Variants in CXCR1 observed in about 807,000 individuals in gnomAD.
CXCR1 encodes the protein C-X-C chemokine receptor type 1.
For synonymous variants in CXCR1, 180 were observed against 184.7 expected (o/e 0.97, Z 0.21); for missense variants, 419 against 440.5 (o/e 0.95, Z 0.44).
Position 218,164,792 on chromosome 2 carries a change from G to A in CXCR1, c.420C>T (p.Val140=). 2 of 1,614,246 alleles carry A rather than the reference G, an allele frequency of 1.2e-6. No individual in the cohort carries two copies. Among genetic ancestry groups the A allele is most frequent in the South Asian group, 1.1e-5 (1 of 91,084 alleles). ...TCTGGGTCAGTGTGCGTGTGGCATG[G>A]ACAATGGCCAGGTAACGGTCCACAC... is the stretch of plus-strand genomic sequence containing the variant. ...CISVDRYLAI[V]HATRTLTQKR... is the part of the protein sequence containing the mutation. Residue 140 remains valine (V), a synonymous_variant, in exon 2 of 2, where the codon GTC becomes GTT. Coordinates refer to ENST00000295683, the MANE Select transcript of CXCR1 (RefSeq NM_000634.3).
chr2:218,165,222 G>C lies in CXCR1; in HGVS notation c.-11C>G, dbSNP rs767641009. Reference sequence around the variant, plus strand: ...TGTAATATTTGACATGTCCTCTTCAGTTTCAGCAATGGTTTGATCTAACTG... The same window carrying C: ...TGTAATATTTGACATGTCCTCTTCACTTTCAGCAATGGTTTGATCTAACTG... On this transcript the variant is annotated 5_prime_UTR_variant, in exon 2 of 2. Transcript: ENST00000295683. 6.2e-7 allele frequency: 1 copy of C among 1,612,746 alleles called. No homozygotes were observed. The highest frequency in any genetic ancestry group is 1.7e-5 in the Admixed American group (1 of 60,028).
intron 1 of CXCR1, among the ~76,000 whole-genome samples, chr2:218,166,682 T>C (rs1462976559): frequency 6.6e-6 from 1 of 152,114 alleles, no homozygotes; most frequent in Non-Finnish European, 1.5e-5. Context: ...AACATCAAAT[T>C]GGGGAATGGT....
rs765253110 is a variant in CXCR1 at position 218,164,893 on chromosome 2, T to G, written c.319A>C (p.Thr107Pro). 6 of 1,614,126 alleles carry G rather than the reference T, an allele frequency of 3.7e-6. No individual in the cohort carries two copies. In the African/African-American group the frequency reaches 6.7e-5, roughly 18 times the overall value. ...ASKVNGWIFG[T>P]FLCKVVSLLK... ...AGTGAGACCACCTTGCACAGGAATG[T>G]GCCAAAAATCCAGCCATTCACCTTG... Residue 107 changes from threonine (T) to proline (P), a missense_variant, in exon 2 of 2, where the codon ACA becomes CCA. By Grantham distance (38) the Thr-to-Pro change is conservative. Coordinates refer to ENST00000295683, the MANE Select transcript of CXCR1 (RefSeq NM_000634.3).
chr2:218,165,767 A>C (rs748723872), intron 1 of CXCR1, among the ~76,000 whole-genome samples: 1 of 152,228 alleles, frequency 6.6e-6, no homozygotes, highest in Non-Finnish European at 1.5e-5. Flanking sequence ...ACATTGCATT[A>C]AACTGTATAT....
In CXCR1 at chr2:218,164,667, T is replaced by C. The variant is rs1441535659; in HGVS notation, c.545A>G (p.Asn182Ser). ...GACCTCATAGCAAACTGGACTGGAA[T>C]TGTTTGGATGGTAAGCCTGGCGGAA... ...FLFRQAYHPN[N>S]SSPVCYEVLG... Residue 182 changes from asparagine (N) to serine (S), a missense_variant, in exon 2 of 2, where the codon AAT (asparagine) becomes AGT (serine). By Grantham distance (46) the Asn-to-Ser change is conservative. Transcript: ENST00000295683. The C allele has an allele frequency of 6.2e-7, 1 of 1,614,200 alleles. No individual in the cohort carries two copies. Among genetic ancestry groups the C allele is most frequent in the Non-Finnish European group, 8.5e-7 (1 of 1,180,044 alleles).
chr2:218,163,714 G>A lies in CXCR1; in HGVS notation c.*445C>T, dbSNP rs41451552. ...ATGGGAAAACCACCCCCCTGAGCTC[G>A]GATCAGAGCACACAGAGCCACCAGC... On this transcript the variant is annotated 3_prime_UTR_variant, in exon 2 of 2. Coordinates refer to ENST00000295683, the MANE Select transcript of CXCR1 (RefSeq NM_000634.3). 5.2e-6 allele frequency: 1 copy of A among 191,828 alleles called. No homozygotes were observed. Among genetic ancestry groups the A allele is most frequent in the South Asian group, 9.9e-5 (1 of 10,142 alleles). The allele number at this position is 191,828 out of a possible 1,614,324, so 11.9% of individuals were successfully genotyped here. A position where few individuals can be genotyped will look rare whatever the true frequency, so the allele number is the denominator to read the frequency against.
In CXCR1 at chr2:218,165,191, T is replaced by C. The variant is rs770511295; in HGVS notation, c.21A>G (p.Pro7=). MSNITD[P]QMWDFDDLNF... is the part of the protein sequence containing the mutation. ...TTAGATCATCAAAATCCCACATCTGTGGATCTGTAATATTTGACATGTCCT... is the reference window on the plus strand; with the variant it reads ...TTAGATCATCAAAATCCCACATCTGCGGATCTGTAATATTTGACATGTCCT... The change falls in exon 2 of 2, where the codon CCA becomes CCG. Residue 7 remains proline (P), a synonymous_variant. Transcript: ENST00000295683. The C allele has an allele frequency of 1.9e-6, 3 of 1,614,022 alleles. No homozygotes were observed. The African/African-American group carries it at 4.0e-5, about 22-fold the overall frequency.
At position 218,164,239 on chromosome 2, in the gene CXCR1, G is replaced by A; in HGVS notation, c.973C>T (p.Leu325=). 6.2e-7 allele frequency: 1 copy of A among 1,613,990 alleles called. No homozygotes were observed. ...CGTGCCAAGAACTCCTTGCTGACCA[G>A]GCCATGCATAGCCAGGATCTTGAGG... ...GFLKILAMHG[L]VSKEFLARHR... Residue 325 remains leucine, a synonymous_variant, in exon 2 of 2, where the codon CTG becomes TTG. Coordinates refer to ENST00000295683, the MANE Select transcript of CXCR1 (RefSeq NM_000634.3).
At position 218,163,923 on chromosome 2, in the gene CXCR1, A is replaced by C; in HGVS notation, c.*236T>G. ...GTTAAAGATGTGACGTTCAACGGGA[A>C]TGATGGTGCTTCGTTTCCATGGAGG... On this transcript the variant is annotated 3_prime_UTR_variant, in exon 2 of 2. Transcript: ENST00000295683. 1 of 546,166 alleles carries C rather than the reference A, an allele frequency of 1.8e-6. No homozygotes were observed. The highest frequency in any genetic ancestry group is 3.0e-5 in the Admixed American group (1 of 33,676). 33.8% of individuals were successfully genotyped at this position (546,166 alleles called of 1,614,324 possible). A position where few individuals can be genotyped will look rare whatever the true frequency, so the allele number is the denominator to read the frequency against.
Position 218,164,996 on chromosome 2 carries a change from G to C in CXCR1, c.216C>G (p.Ser72=), listed in dbSNP as rs550231951. 5 of 1,614,250 alleles carry C rather than the reference G, an allele frequency of 3.1e-6. No individual in the cohort carries two copies. The highest frequency in any genetic ancestry group is 4.2e-6 in the Non-Finnish European group (5 of 1,180,038). Residue 72 remains serine, a synonymous_variant, in exon 2 of 2, where the codon TCC becomes TCG. Transcript: ENST00000295683. ...GGTTCAGCAGGTAGACATCAGTGACGGAGCGGCCGACCCTGCTGTATAAGA... is the reference window on the plus strand; with the variant it reads ...GGTTCAGCAGGTAGACATCAGTGACCGAGCGGCCGACCCTGCTGTATAAGA... ...LVILYSRVGR[S]VTDVYLLNLA...
At position 218,163,320 on chromosome 2, in the gene CXCR1, G is replaced by C. The variant is rs1691223107; in HGVS notation, c.*839C>G. 6.5e-6 allele frequency: 1 copy of C among 152,674 alleles called. No individual in the cohort carries two copies. The highest frequency in any genetic ancestry group is 6.5e-5 in the Admixed American group (1 of 15,286). 9.5% of individuals were successfully genotyped at this position (152,674 alleles called of 1,614,324 possible). A position where few individuals can be genotyped will look rare whatever the true frequency, so the allele number is the denominator to read the frequency against. On this transcript the variant is annotated 3_prime_UTR_variant, in exon 2 of 2. Transcript: ENST00000295683. ...GTCACAACCAAGATACTTCCACAGG[G>C]ACAAGCACGGAACAGAAGCTTTATT...
In CXCR1 at chr2:218,164,410, T is replaced by A. The variant is rs9282752; in HGVS notation, c.802A>T (p.Met268Leu). 6.2e-7 allele frequency: 1 copy of A among 1,614,078 alleles called. No individual in the cohort carries two copies. The highest frequency in any genetic ancestry group is 1.1e-5 in the South Asian group (1 of 91,062). ...CTCTCCTGGATCACCTGGGTCCTCA[T>A]GAGGGTGTCTGCCAGCAGGACCAGG... ...YNLVLLADTL[M>L]RTQVIQESCE... Residue 268 changes from methionine (M) to leucine (L), a missense_variant, in exon 2 of 2, where the codon ATG (methionine) becomes TTG (leucine). Transcript: ENST00000295683.
At position 218,164,497 on chromosome 2, in the gene CXCR1, G is replaced by C. The variant is rs369429568; in HGVS notation, c.715C>G (p.Arg239Gly). 9.3e-6 allele frequency: 15 copies of C among 1,614,198 alleles called. No individual in the cohort carries two copies. Among genetic ancestry groups the C allele is most frequent in the Non-Finnish European group, 1.1e-5 (13 of 1,180,034 alleles). Residue 239 changes from arginine (R) to glycine (G), a missense_variant, in exon 2 of 2, where the codon CGA becomes GGA. By Grantham distance (125) the Arg-to-Gly change is moderately radical. Coordinates refer to ENST00000295683, the MANE Select transcript of CXCR1 (RefSeq NM_000634.3). The stretch of plus-strand genomic sequence containing the variant: ...ACAGCAAAGATGACCCTCATGGCTC[G>C]GTGCTTCTGCCCCATGTGGGCCTTA... ...LFKAHMGQKH[R>G]AMRVIFAVVL...
intron 1 of CXCR1, among the ~76,000 whole-genome samples, chr2:218,166,555 T>A (rs1691287053): frequency 6.6e-6 from 1 of 152,184 alleles, no homozygotes; most frequent in Non-Finnish European, 1.5e-5. Flanking sequence ...CACCTCTCAT[T>A]TGCTGCCAGG....
chr2:218,164,820 A>G lies in CXCR1; in HGVS notation c.392T>C (p.Ile131Thr), dbSNP rs146464647. 1 of 1,614,224 alleles carries G rather than the reference A, an allele frequency of 6.2e-7. No individual in the cohort carries two copies. Among genetic ancestry groups the G allele is most frequent in the Non-Finnish European group, 8.5e-7 (1 of 1,180,020 alleles). ...AATGGCCAGGTAACGGTCCACACTG[A>G]TGCAGGCCAACAGCAGGATGCCACT... ...FYSGILLLAC[I>T]SVDRYLAIVH... is the part of the protein sequence containing the mutation. Residue 131 changes from isoleucine to threonine, a missense_variant, in exon 2 of 2, where the codon ATC becomes ACC. By Grantham distance (89) the Ile-to-Thr change is moderately conservative. Transcript: ENST00000295683.
At position 218,164,442 on chromosome 2, in the gene CXCR1, G is replaced by T; in HGVS notation, c.770C>A (p.Pro257His). Residue 257 changes from proline (P) to histidine (H), a missense_variant, in exon 2 of 2, where the codon CCC (proline) becomes CAC (histidine). Pro to His is a moderately conservative substitution (Grantham distance 77). Transcript: ENST00000295683. ...VVLIFLLCWL[P>H]YNLVLLADTL... The stretch of plus-strand genomic sequence containing the variant: ...GTCTGCCAGCAGGACCAGGTTGTAG[G>T]GCAGCCAGCAAAGCAGGAAGATGAG... 1 of 1,614,166 alleles carries T rather than the reference G, an allele frequency of 6.2e-7. No individual in the cohort carries two copies. The highest frequency in any genetic ancestry group is 1.1e-5 in the South Asian group (1 of 91,074).
Position 218,164,588 on chromosome 2 carries a change from G to T in CXCR1, c.624C>A (p.Thr208=). ...CAAACAGCGGCACGATGAAGCCAAA[G>T]GTGTGAGGCAGGATCCGCAACACCA... is the stretch of plus-strand genomic sequence containing the variant. ...WRMVLRILPH[T]FGFIVPLFVM... Residue 208 remains threonine, a synonymous_variant, in exon 2 of 2, where the codon ACC becomes ACA. Transcript: ENST00000295683. The T allele has an allele frequency of 6.2e-7, 1 of 1,614,204 alleles. No individual in the cohort carries two copies. The highest frequency in any genetic ancestry group is 8.5e-7 in the Non-Finnish European group (1 of 1,180,038).
rs1301905333 is a variant in CXCR1, at chr2:218,163,074, A to G, written c.*1085T>C. ...ATGCTCACCTCAGGGTGAAGCTGAG[A>G]CTCCCTGGAGGAGCATTTCCTTTTA... is the stretch of plus-strand genomic sequence containing the variant. On this transcript the variant is annotated 3_prime_UTR_variant, in exon 2 of 2. Coordinates refer to ENST00000295683, the MANE Select transcript of CXCR1 (RefSeq NM_000634.3). 1 of 152,184 alleles carries G rather than the reference A, an allele frequency of 6.6e-6. No homozygotes were observed. The highest frequency in any genetic ancestry group is 1.5e-5 in the Non-Finnish European group (1 of 68,052). The allele number at this position is 152,184 out of a possible 1,614,324, so 9.4% of individuals were successfully genotyped here. A position where few individuals can be genotyped will look rare whatever the true frequency, so the allele number is the denominator to read the frequency against.
At position 218,163,462 on chromosome 2, in the gene CXCR1, C is replaced by T. The variant is rs1691226299; in HGVS notation, c.*697G>A. ...AGGGCTAAGGGCTGCTTGTCTCGTT[C>T]CACTTGGGGCTCAGCAGGTGGCCAG... On this transcript the variant is annotated 3_prime_UTR_variant, in exon 2 of 2. Coordinates refer to ENST00000295683, the MANE Select transcript of CXCR1 (RefSeq NM_000634.3). 6.5e-6 allele frequency: 1 copy of T among 153,610 alleles called. No homozygotes were observed. The highest frequency in any genetic ancestry group is 1.5e-5 in the Non-Finnish European group (1 of 68,928). 9.5% of individuals were successfully genotyped at this position (153,610 alleles called of 1,614,324 possible). A position where few individuals can be genotyped will look rare whatever the true frequency, so the allele number is the denominator to read the frequency against.
Sources: allele counts gnomAD v4.1 joint callset (sites outside exome capture counted in the v4.1 genomes callset), GRCh38; gene constraint gnomAD v4.1.1; transcripts MANE v1.5; gene names NCBI Gene and HGNC (gene_info 2026-07-23, HGNC 2026-07-21).